Variants in DPYD observed in about 807,000 individuals in gnomAD.
DPYD encodes dihydropyrimidine dehydrogenase [NADP(+)].
DPYD carries 109 observed loss-of-function variants against 116.2 expected under a neutral mutation model. The observed-to-expected ratio is 0.94, with a 90% CI of 0.80 to 1.10. The LOEUF (loss-of-function observed/expected upper bound fraction) is 1.10, where lower values mean the gene tolerates loss of function less well. DPYD is among the 50% of genes least tolerant of loss of function. DPYD has a pLI of 0.00. For synonymous variants in DPYD, 440 were observed against 432.0 expected, an observed-to-expected ratio of 1.02 and a Z score of -0.23; for missense variants, 1,302 against 1,254.5, an observed-to-expected ratio of 1.04 and a Z score of -0.57.
intron 1 of DPYD, among the ~76,000 whole-genome samples, chr1:97,894,688 A>G (rs949034585): frequency 3.3e-5 from 5 of 151,738 alleles, no homozygotes; most frequent in African/African-American, 1.2e-4. Context: ...TATATACTTT[A>G]TATATACTGT....
intron 1 of DPYD, among the ~76,000 whole-genome samples, chr1:97,902,586 T>G (rs1020158955): frequency 6.6e-6 from 1 of 151,838 alleles, no homozygotes; most frequent in African/African-American, 2.4e-5. Context: ...ATCTCAAAGA[T>G]ATGTAAATTA....
chr1:97,287,567 T>A, intron 18 of DPYD, among the ~76,000 whole-genome samples: 1 of 152,180 alleles, frequency 6.6e-6, no homozygotes, highest in Non-Finnish European at 1.5e-5. Flanking sequence ...ATCCTTGAGC[T>A]GTGGTGGGCT....
chr1:97,440,264 C>CAA (rs200527485), intron 14 of DPYD, among the ~76,000 whole-genome samples: 72 of 116,056 alleles, frequency 6.2e-4, no homozygotes, highest in African/African-American at 1.8e-3. Flanking sequence ...AACTCCCTCT[C>CAA]AAAAAAAAAA....
chr1:97,220,616 T>C (rs78798743), intron 19 of DPYD, among the ~76,000 whole-genome samples: 1,963 of 152,244 alleles, frequency 0.013, 48 homozygotes, highest in African/African-American at 0.044. Context: ...CATTTTATGA[T>C]AGTTCATTGA....
intron 2 of DPYD, among the ~76,000 whole-genome samples, chr1:97,863,400 A>G (rs1314448791): frequency 6.6e-6 from 1 of 151,984 alleles, no homozygotes; most frequent in Admixed American, 6.6e-5. Context: ...TAAACCAACA[A>G]TTCCACTTCT....
intron 19 of DPYD, among the ~76,000 whole-genome samples, chr1:97,232,393 G>A (rs139227291): frequency 1.3e-5 from 2 of 152,206 alleles, no homozygotes; most frequent in East Asian, 3.9e-4. Flanking sequence ...CTTTGAAGCT[G>A]CCCTCTTTGG....
At chr1:97,259,941 C>T (rs1348045636) in intron 18 of DPYD, among the ~76,000 whole-genome samples, 2 of 152,072 alleles carry the variant, frequency 1.3e-5, no homozygotes, top group Non-Finnish European at 2.9e-5. Context: ...AGATAAAACA[C>T]TATAATCACT....
chr1:97,229,247 G>GA (rs1661417963), intron 19 of DPYD, among the ~76,000 whole-genome samples: 1 of 127,504 alleles, frequency 7.8e-6, no homozygotes, highest in Non-Finnish European at 1.7e-5. Flanking sequence ...TTGATGGGAA[G>GA]TAAAAAAAAA....
chr1:97,680,698 C>A (rs76408807), intron 7 of DPYD, among the ~76,000 whole-genome samples: 1,869 of 152,144 alleles, frequency 0.012, 34 homozygotes, highest in African/African-American at 0.042. Context: ...GATTCATTAC[C>A]TTGACGACAT....
chr1:97,503,949 G>C (rs992064114), intron 13 of DPYD, among the ~76,000 whole-genome samples: 6 of 151,952 alleles, frequency 3.9e-5, no homozygotes, highest in Non-Finnish European at 7.4e-5. Context: ...ACCTTAAGGG[G>C]CATTGAGATA....
chr1:97,719,312 A>G (rs1350945128), intron 5 of DPYD, among the ~76,000 whole-genome samples: 2 of 151,924 alleles, frequency 1.3e-5, no homozygotes, highest in Non-Finnish European at 2.9e-5. Flanking sequence ...TACCTAACCA[A>G]TAATGGCAGA....
chr1:97,411,504 C>G (rs978663035), intron 14 of DPYD, among the ~76,000 whole-genome samples: 2 of 151,814 alleles, frequency 1.3e-5, no homozygotes. Context: ...AATGAGCACC[C>G]CAGTAAACAA....
At chr1:97,825,432 C>A (rs1669184249) in intron 3 of DPYD, among the ~76,000 whole-genome samples, 1 of 152,046 alleles carries the variant, frequency 6.6e-6, no homozygotes, top group Non-Finnish European at 1.5e-5. Context: ...CAACTCTGTT[C>A]CAGTTACTCC....
intron 20 of DPYD, among the ~76,000 whole-genome samples, chr1:97,114,339 A>G (rs762245256): frequency 3.3e-5 from 5 of 152,092 alleles, no homozygotes; most frequent in Non-Finnish European, 5.9e-5. Flanking sequence ...GTGGTGCTAA[A>G]GAATTTTTTA....
At chr1:97,581,974 C>T (rs886921029) in intron 10 of DPYD, among the ~76,000 whole-genome samples, 5 of 152,042 alleles carry the variant, frequency 3.3e-5, no homozygotes, top group Admixed American at 2.0e-4. Flanking sequence ...AATATGTAAA[C>T]ATCCTACTGG....
At chr1:97,687,423 A>T (rs1660795120) in intron 7 of DPYD, among the ~76,000 whole-genome samples, 1 of 152,234 alleles carries the variant, frequency 6.6e-6, no homozygotes, top group South Asian at 2.1e-4. Flanking sequence ...CAAACCCACA[A>T]TGAGATACCA....
intron 18 of DPYD, among the ~76,000 whole-genome samples, chr1:97,290,533 A>AT (rs542545004): frequency 1.0e-3 from 158 of 152,242 alleles, no homozygotes; most frequent in African/African-American, 3.7e-3. Context: ...ATAACACCGC[A>AT]TATCTACAAC....
intron 20 of DPYD, among the ~76,000 whole-genome samples, chr1:97,144,931 G>A (rs1016453559): frequency 3.3e-5 from 5 of 152,094 alleles, no homozygotes; most frequent in Non-Finnish European, 5.9e-5. Context: ...CTTTCAACGT[G>A]GTGGCTGAGA....
intron 20 of DPYD, among the ~76,000 whole-genome samples, chr1:97,135,206 T>G (rs983775854): frequency 7.2e-5 from 11 of 152,186 alleles, no homozygotes; most frequent in Admixed American, 6.5e-5. Context: ...TGATATGGTA[T>G]AGGTATTTGA....
Sources: gnomAD v4.1 joint callset for allele counts (sites outside exome capture counted in the v4.1 genomes callset) on GRCh38, gnomAD v4.1.1 for gene constraint, MANE v1.5 for transcripts, NCBI Gene and HGNC (gene_info 2026-07-23, HGNC 2026-07-21) for gene names.